Variants in NKAIN3 observed in about 807,000 individuals in gnomAD.
NKAIN3 encodes sodium/potassium-transporting ATPase subunit beta-1-interacting protein 3.
A neutral mutation model predicts 30.2 loss-of-function variants in NKAIN3; 25 were observed. The observed-to-expected ratio is 0.83, with a 90% CI of 0.60 to 1.16. The LOEUF (loss-of-function observed/expected upper bound fraction) is 1.16. NKAIN3 is among the 50% of genes most tolerant of loss of function. The probability of loss-of-function intolerance (pLI) is 0.00; values close to 1 mark genes in which losing one functional copy is unlikely to be tolerated. For synonymous variants in NKAIN3, 91 were observed against 89.6 expected (o/e 1.02, Z -0.09); for missense variants, 225 against 254.1 (o/e 0.89, Z 0.78).
At chr8:62,850,638 T>C (rs1244762997) in intron 4 of NKAIN3, among the ~76,000 whole-genome samples, 1 of 151,968 alleles carries the variant, frequency 6.6e-6, no homozygotes, top group Non-Finnish European at 1.5e-5. Context: ...TTGTATAAGG[T>C]GTAAGGAAGG....
At chr8:62,306,213 T>C (rs1814235252) in intron 1 of NKAIN3, among the ~76,000 whole-genome samples, 1 of 150,322 alleles carries the variant, frequency 6.7e-6, no homozygotes. Flanking sequence ...TCACACTTTT[T>C]TGTATTAAAT....
chr8:62,926,122 C>T (rs1822435854), intron 5 of NKAIN3, among the ~76,000 whole-genome samples: 1 of 152,038 alleles, frequency 6.6e-6, no homozygotes, highest in Admixed American at 6.5e-5. Flanking sequence ...GAGCAGAGTA[C>T]CAAATTTAAA....
chr8:62,254,608 T>G (rs1224534252), intron 1 of NKAIN3, among the ~76,000 whole-genome samples: 1 of 135,082 alleles, frequency 7.4e-6, no homozygotes, highest in African/African-American at 2.7e-5. Flanking sequence ...TAAATAATTA[T>G]TATCAAATTA....
rs189448376 is a variant in NKAIN3 at position 62,578,364 on chromosome 8, C to A, written c.55-1175C>A. ...ACAAATATAATAAACTCTGGCATGT[C>A]TAAAATTGTAATGACCTCATAATTT... On this transcript the variant is annotated intron_variant, in intron 1 of 6. Coordinates refer to ENST00000623646, the MANE Select transcript of NKAIN3 (RefSeq NM_001304533.3). Among the ~76,000 whole-genome samples, 26 of 152,192 alleles carry A rather than the reference C, an allele frequency of 1.7e-4. 1 individual carries two copies. Among genetic ancestry groups the A allele is most frequent in the Admixed American group, 1.4e-3 (22 of 15,268 alleles).
At chr8:62,923,541 T>C (rs1563629956) in intron 5 of NKAIN3, among the ~76,000 whole-genome samples, 2 of 152,114 alleles carry the variant, frequency 1.3e-5, no homozygotes, top group Non-Finnish European at 2.9e-5. Flanking sequence ...ATTAGATATA[T>C]TTTTAGTAAT....
intron 1 of NKAIN3, among the ~76,000 whole-genome samples, chr8:62,287,401 C>T (rs1813413257): frequency 6.6e-6 from 1 of 151,928 alleles, no homozygotes; most frequent in Admixed American, 6.6e-5. Flanking sequence ...GCAATGTGAA[C>T]TAGGGCAACA....
At chr8:62,350,849 C>A (rs552324473) in intron 1 of NKAIN3, among the ~76,000 whole-genome samples, 132 of 151,744 alleles carry the variant, frequency 8.7e-4, no homozygotes, top group African/African-American at 3.1e-3. Context: ...GCCACCATGC[C>A]CGGCTAATTT....
At chr8:62,314,465 C>A (rs1055106046) in intron 1 of NKAIN3, among the ~76,000 whole-genome samples, 1 of 152,156 alleles carries the variant, frequency 6.6e-6, no homozygotes, top group African/African-American at 2.4e-5. Flanking sequence ...GCGATGAAAC[C>A]GGACTTACTT....
In NKAIN3 at chr8:62,968,678, T is replaced by G. The variant is rs1823767317; in HGVS notation, c.*3271T>G. Among the ~76,000 whole-genome samples, 1 of 152,200 alleles carries G rather than the reference T, an allele frequency of 6.6e-6. No homozygotes were observed. The highest frequency in any genetic ancestry group is 1.5e-5 in the Non-Finnish European group (1 of 68,048). On this transcript the variant is annotated 3_prime_UTR_variant, in exon 7 of 7. Coordinates refer to ENST00000623646, the MANE Select transcript of NKAIN3 (RefSeq NM_001304533.3). ...GAACATTTAAAGCCAGTGTTTTTCC[T>G]CTTGGAGCCACCTTAGCACTGAGTC...
intron 3 of NKAIN3, among the ~76,000 whole-genome samples, chr8:62,698,108 T>C (rs1438266790): frequency 6.6e-6 from 1 of 151,798 alleles, no homozygotes; most frequent in Non-Finnish European, 1.5e-5. Flanking sequence ...ATTAAATCAG[T>C]ACAAACTGGG....
chr8:62,713,300 C>T (rs1196331245), intron 3 of NKAIN3, among the ~76,000 whole-genome samples: 1 of 152,180 alleles, frequency 6.6e-6, no homozygotes, highest in African/African-American at 2.4e-5. Context: ...AGACACTTAC[C>T]TGGTATTTGT....
intron 4 of NKAIN3, among the ~76,000 whole-genome samples, chr8:62,792,835 C>T (rs1046736699): frequency 2.0e-5 from 3 of 152,004 alleles, no homozygotes; most frequent in African/African-American, 7.2e-5. Flanking sequence ...TGTAAAACAA[C>T]ATAGTACATT....
chr8:62,718,364 C>T (rs1232989865), intron 3 of NKAIN3, among the ~76,000 whole-genome samples: 2 of 152,000 alleles, frequency 1.3e-5, no homozygotes, highest in Non-Finnish European at 2.9e-5. Flanking sequence ...TATGTAATTC[C>T]CCAGTACTTT....
At chr8:62,709,087 G>C (rs548313861) in intron 3 of NKAIN3, among the ~76,000 whole-genome samples, 1 of 152,158 alleles carries the variant, frequency 6.6e-6, no homozygotes, top group Non-Finnish European at 1.5e-5. Flanking sequence ...TGATCATGGT[G>C]GATTATCTTT....
In NKAIN3 at chr8:62,543,865, C is replaced by T. The variant is rs563157296; in HGVS notation, c.55-35674C>T. On this transcript the variant is annotated intron_variant, in intron 1 of 6. Coordinates refer to ENST00000623646, the MANE Select transcript of NKAIN3 (RefSeq NM_001304533.3). ...GGTTTGTAAGGTTGTTATATTATGT[C>T]TTATTTTTATTTTTTTATCAGTGCA... 1.3e-4 allele frequency among the ~76,000 whole-genome samples: 20 copies of T among 152,100 alleles called. 1 individual carries two copies. The highest frequency in any genetic ancestry group is 4.6e-4 in the African/African-American group (19 of 41,476).
chr8:62,751,230 C>A (rs1223216682), intron 4 of NKAIN3, among the ~76,000 whole-genome samples: 1 of 152,278 alleles, frequency 6.6e-6, no homozygotes, highest in African/African-American at 2.4e-5. Flanking sequence ...TCCCTCCTAC[C>A]CCACCTGGGC....
intron 1 of NKAIN3, among the ~76,000 whole-genome samples, chr8:62,253,407 C>G (rs915787582): frequency 2.6e-5 from 4 of 152,036 alleles, no homozygotes; most frequent in African/African-American, 9.7e-5. Flanking sequence ...GAAACCTCAT[C>G]TCTACAAAAA....
At chr8:62,382,812 C>A (rs533264673) in intron 1 of NKAIN3, among the ~76,000 whole-genome samples, 5 of 152,242 alleles carry the variant, frequency 3.3e-5, no homozygotes, top group Non-Finnish European at 7.4e-5. Flanking sequence ...CCTTCACGCT[C>A]CACCTTTTTT....
chr8:62,987,127 C>T (rs1197180750), downstream of NKAIN3, among the ~76,000 whole-genome samples: 1 of 152,130 alleles, frequency 6.6e-6, no homozygotes, highest in East Asian at 1.9e-4. Flanking sequence ...TAGCTCATGC[C>T]TATAATCCCA....
Sources: allele counts gnomAD v4.1 joint callset (sites outside exome capture counted in the v4.1 genomes callset), GRCh38; gene constraint gnomAD v4.1.1; transcripts MANE v1.5; gene names NCBI Gene and HGNC (gene_info 2026-07-23, HGNC 2026-07-21).